Variants in SLC4A5 observed in about 807,000 individuals in gnomAD.
SLC4A5 encodes electrogenic sodium bicarbonate cotransporter 4.
SLC4A5 carries 96 observed loss-of-function variants against 120.4 expected under a neutral mutation model. The observed-to-expected ratio is 0.80, with a 90% CI of 0.68 to 0.94. The LOEUF is 0.94. SLC4A5 is among the 40% of genes least tolerant of loss of function. SLC4A5 has a pLI of 0.00. For missense variants in SLC4A5, 1,259 were observed against 1,459.5 expected (o/e 0.86, Z 2.24); for synonymous variants, 550 against 571.1 (o/e 0.96, Z 0.53).
chr2:74,297,573 G>A lies in SLC4A5; in HGVS notation c.271+6916C>T, dbSNP rs560664129. 5.8e-4 allele frequency among the ~76,000 whole-genome samples: 89 copies of A among 152,298 alleles called. 1 individual carries two copies. The Middle Eastern group carries it at 0.048, about 81-fold the overall frequency. Reference sequence around the variant, plus strand: ...GTTCTTATTAGCAGCCTAGAAAAGTGGAAGTGCAACCACATTTCTAAAGCT... The same window carrying A: ...GTTCTTATTAGCAGCCTAGAAAAGTAGAAGTGCAACCACATTTCTAAAGCT... On this transcript the variant is annotated intron_variant, in intron 7 of 30. Coordinates refer to ENST00000394019, the Ensembl canonical transcript of SLC4A5.
At chr2:74,228,643 C>A (rs113716763) in intron 25 of SLC4A5, among the ~76,000 whole-genome samples, 2,266 of 150,980 alleles carry the variant, frequency 0.015, 60 homozygotes, top group African/African-American at 0.051. Context: ...CCAAACAAAG[C>A]AAACAAACAA....
chr2:74,313,810 G>A (rs778502062), intron 6 of SLC4A5, among the ~76,000 whole-genome samples: 5 of 152,160 alleles, frequency 3.3e-5, no homozygotes, highest in African/African-American at 9.7e-5. Context: ...TCTTCCAACA[G>A]CAAGTTCCTA....
At chr2:74,260,735 C>T (rs982204207) in intron 11 of SLC4A5, among the ~76,000 whole-genome samples, 18 of 152,186 alleles carry the variant, frequency 1.2e-4, no homozygotes, top group Admixed American at 2.6e-4. Flanking sequence ...TCAGTCTCTG[C>T]CTTCCAATGT....
At chr2:74,234,799 G>A (rs576307956) in intron 22 of SLC4A5, among the ~76,000 whole-genome samples, 1 of 152,326 alleles carries the variant, frequency 6.6e-6, no homozygotes, top group South Asian at 2.1e-4. Flanking sequence ...ATTGCTAGAG[G>A]TCAGGGAACT....
At chr2:74,306,706 G>A in intron 6 of SLC4A5, 2 of 1,158,382 alleles carry the variant, frequency 1.7e-6, no homozygotes, top group South Asian at 1.3e-5. Flanking sequence ...TCCCCAAAGG[G>A]TACCCTGCTT....
chr2:74,277,120 C>T (rs1212294834), intron 8 of SLC4A5, among the ~76,000 whole-genome samples: 1 of 152,092 alleles, frequency 6.6e-6, no homozygotes, highest in East Asian at 1.9e-4. Flanking sequence ...TACTTGTAGC[C>T]CCAAACCTCC....
chr2:74,285,804 C>T lies in SLC4A5; in HGVS notation c.370G>A (p.Gly124Arg), dbSNP rs144161107. ...GACTCCTTCCACTCCATCTGGTCTC[C>T]GTCATGCTGCAGAGTATCCATCTCT... The change falls in exon 8 of 31, where the codon GGA (glycine) becomes AGA (arginine). Residue 124 changes from glycine (G) to arginine (R), a missense_variant. Coordinates refer to ENST00000394019, the Ensembl canonical transcript of SLC4A5. 23 of 1,611,828 alleles carry T rather than the reference C, an allele frequency of 1.4e-5. 1 individual carries two copies. The highest frequency in any genetic ancestry group is 2.2e-5 in the East Asian group (1 of 44,760).
chr2:74,310,088 T>G (rs1672762166), intron 6 of SLC4A5, among the ~76,000 whole-genome samples: 1 of 152,220 alleles, frequency 6.6e-6, no homozygotes, highest in African/African-American at 2.4e-5. Context: ...TATCATGTCT[T>G]AAATTTCAAA....
At chr2:74,334,219 A>G (rs1673430876) in intron 3 of SLC4A5, 42 bp from the exon 4 acceptor site, 1 of 152,280 alleles carries the variant, frequency 6.6e-6, no homozygotes, top group African/African-American at 2.4e-5. Context: ...GTTAAAGAGA[A>G]GCTGAGACAT....
intron 7 of SLC4A5, among the ~76,000 whole-genome samples, chr2:74,299,292 G>A (rs981340714): frequency 2.6e-5 from 4 of 152,118 alleles, no homozygotes; most frequent in African/African-American, 7.2e-5. Context: ...CAGAGGTTGC[G>A]GTGAGCTGAG....
At chr2:74,236,530 T>C (rs1422653020) in intron 21 of SLC4A5, among the ~76,000 whole-genome samples, 3 of 152,192 alleles carry the variant, frequency 2.0e-5, no homozygotes, top group Admixed American at 6.5e-5. Context: ...GAACAATCAT[T>C]TCTTGTTCCG....
chr2:74,302,523 A>G (rs1024277979), intron 7 of SLC4A5, among the ~76,000 whole-genome samples: 12 of 152,198 alleles, frequency 7.9e-5, no homozygotes, highest in African/African-American at 2.7e-4. Context: ...AGGCTGAGGC[A>G]CGAGAATCAC....
intron 26 of SLC4A5, 36 bp downstream of exon 26, chr2:74,227,774 T>C (rs1229341820): frequency 1.9e-6 from 3 of 1,556,106 alleles, no homozygotes; most frequent in East Asian, 4.6e-5. Flanking sequence ...GAATGTTGAC[T>C]CCAGATCATG....
intron 18 of SLC4A5, among the ~76,000 whole-genome samples, chr2:74,247,704 G>A (rs1670657281): frequency 1.3e-5 from 2 of 151,900 alleles, no homozygotes; most frequent in Admixed American, 6.6e-5. Context: ...TAGTAGAGAC[G>A]GGGTTTTACC....
At chr2:74,299,132 CCT>C (rs201132982) in intron 7 of SLC4A5, among the ~76,000 whole-genome samples, 5,819 of 152,196 alleles carry the variant, frequency 0.038, 382 homozygotes, top group African/African-American at 0.13. Context: ...AGGCAGATCA[CCT>C]GAGGCTGGGA....
chr2:74,253,047 C>A, exon 15 of SLC4A5: 1 of 1,614,168 alleles, frequency 6.2e-7, no homozygotes, highest in Non-Finnish European at 8.5e-7. Flanking sequence ...GGAGGAAGGA[C>A]GATGACCTCA....
chr2:74,244,462 TTCTTTC>T (rs1295545884), intron 19 of SLC4A5, among the ~76,000 whole-genome samples: 1 of 78,422 alleles, frequency 1.3e-5, no homozygotes, highest in Non-Finnish European at 2.3e-5. Flanking sequence ...TTCCTTCCTT[TTCTTTC>T]TCTTTCTTTC....
intron 24 of SLC4A5, 94 bp downstream of exon 24, chr2:74,232,375 T>A (rs1428860671): frequency 4.1e-6 from 6 of 1,460,926 alleles, no homozygotes; most frequent in African/African-American, 1.4e-5. Context: ...GGGGCCCTTT[T>A]TGTCCAAATC....
At chr2:74,224,995 T>C (rs1694792382) in exon 28 of SLC4A5, 1 of 1,613,134 alleles carries the variant, frequency 6.2e-7, no homozygotes, top group South Asian at 1.1e-5. Context: ...AGGCCCAGGA[T>C]CTGTGGTGGA....
Sources: allele counts gnomAD v4.1 joint callset (sites outside exome capture counted in the v4.1 genomes callset), GRCh38; gene constraint gnomAD v4.1.1; transcripts MANE v1.5; gene names NCBI Gene and HGNC (gene_info 2026-07-23, HGNC 2026-07-21).